KLF8: variants seen among roughly 807,000 people sequenced by gnomAD.
KLF8 encodes the protein KLF transcription factor 8.
Under a neutral mutation model 18.2 loss-of-function variants are expected in KLF8, and 10 were observed. That is an observed-to-expected ratio of 0.55 (90% CI 0.34 to 0.93). The LOEUF is 0.93. Among genes scored for constraint, KLF8 ranks in the 40% least tolerant of loss-of-function variants. The pLI is 0.02. For missense variants in KLF8, 264 were observed against 277.9 expected, an observed-to-expected ratio of 0.95 and a Z score of 0.36; for synonymous variants, 109 against 97.3, an observed-to-expected ratio of 1.12 and a Z score of -0.71.
At chrX:56,079,194 G>A in the KLF8 span, among the ~76,000 whole-genome samples, 1 of 111,159 alleles carries the variant, frequency 9.0e-6, no homozygotes, top group East Asian at 2.8e-4. Context: ...GCTTTTGAAT[G>A]TGTTTGCTCT....
chrX:55,916,106 G>A, the KLF8 span, among the ~76,000 whole-genome samples: 2 of 111,989 alleles, frequency 1.8e-5, no homozygotes, highest in African/African-American at 6.5e-5. Flanking sequence ...CCAGGCTTGA[G>A]CCAGCTACTT....
the KLF8 span, among the ~76,000 whole-genome samples, chrX:55,993,910 GT>G: frequency 0.07 from 6,264 of 89,985 alleles, 706 homozygotes; most frequent in African/African-American, 0.25. Flanking sequence ...GTTTATAGAG[GT>G]TTTTTTTTTT....
chrX:56,259,493 T>C (rs1334610437), intron 2 of KLF8, among the ~76,000 whole-genome samples: 2 of 110,710 alleles, frequency 1.8e-5, no homozygotes, highest in Non-Finnish European at 3.8e-5. Context: ...AGTGAGCTAG[T>C]ATAGCTCACC....
the KLF8 span, chrX:55,961,464 T>C: frequency 1.8e-6 from 1 of 549,119 alleles, no homozygotes; most frequent in Non-Finnish European, 3.4e-6. Flanking sequence ...AGGCCCAGAT[T>C]GCCACAAAAA....
chrX:56,252,194 A>G (rs1157501680), intron 2 of KLF8, among the ~76,000 whole-genome samples: 2 of 111,141 alleles, frequency 1.8e-5, no homozygotes, highest in Non-Finnish European at 1.9e-5. Context: ...TTGTATTTTT[A>G]GTAGAGACAG....
At chrX:56,036,104 AT>A in the KLF8 span, among the ~76,000 whole-genome samples, 1 of 111,042 alleles carries the variant, frequency 9.0e-6, no homozygotes, top group African/African-American at 3.3e-5. Flanking sequence ...AATTTATTTT[AT>A]TTTTTAATTG....
chrX:56,131,325 G>A, the KLF8 span, among the ~76,000 whole-genome samples: 1 of 111,615 alleles, frequency 9.0e-6, no homozygotes, highest in Non-Finnish European at 1.9e-5. Context: ...AGGAGTTGGG[G>A]CCCTATCTTC....
the KLF8 span, among the ~76,000 whole-genome samples, chrX:56,025,945 G>A: frequency 1.8e-5 from 2 of 112,671 alleles, no homozygotes; most frequent in African/African-American, 6.5e-5. Flanking sequence ...AAAAGAAGCA[G>A]TGGAAGCTTT....
the KLF8 span, among the ~76,000 whole-genome samples, chrX:56,135,200 G>T: frequency 0.027 from 3,044 of 110,961 alleles, 107 homozygotes; most frequent in African/African-American, 0.096. Context: ...CCCATTACTG[G>T]TTATATACCC....
At chrX:56,228,528 G>A (rs1487202228), upstream of KLF8, among the ~76,000 whole-genome samples, 1 of 112,284 alleles carries the variant, frequency 8.9e-6, no homozygotes, top group African/African-American at 3.2e-5. Context: ...AATAGGTGAG[G>A]AAATGTTTAG....
the KLF8 span, among the ~76,000 whole-genome samples, chrX:56,140,818 A>AT: frequency 6.5e-4 from 69 of 105,527 alleles, 1 homozygote; most frequent in Middle Eastern, 4.8e-3. Flanking sequence ...AAAAAAAAAA[A>AT]AGAAATGCTA....
At chrX:56,273,412 A>C (rs936254295) in intron 5 of KLF8, among the ~76,000 whole-genome samples, 1 of 109,912 alleles carries the variant, frequency 9.1e-6, no homozygotes, top group Non-Finnish European at 1.9e-5. Context: ...ATCAAATGTT[A>C]GGCCTTATTC....
intron 1 of KLF8, among the ~76,000 whole-genome samples, chrX:56,234,401 T>C (rs1204647169): frequency 1.8e-5 from 2 of 111,853 alleles, no homozygotes; most frequent in African/African-American, 6.5e-5. Flanking sequence ...GGATGAAATA[T>C]CTTGTGTATG....
chrX:55,938,586 G>A, the KLF8 span, among the ~76,000 whole-genome samples: 1 of 111,082 alleles, frequency 9.0e-6, no homozygotes, highest in South Asian at 3.9e-4. Context: ...TGGCAAATTG[G>A]ATAAAGAGTC....
intron 3 of KLF8, chrX:56,267,813 T>A (rs1399902791): frequency 1.8e-5 from 2 of 111,797 alleles, no homozygotes; most frequent in Non-Finnish European, 3.8e-5. Flanking sequence ...GAGCACTTAA[T>A]GTCCATTCTC....
At chrX:56,186,069 A>G in the KLF8 span, among the ~76,000 whole-genome samples, 3 of 112,424 alleles carry the variant, frequency 2.7e-5, no homozygotes, top group African/African-American at 9.7e-5. Flanking sequence ...CAATTAAAAG[A>G]CACAGACTGG....
At chrX:56,205,310 G>T in the KLF8 span, among the ~76,000 whole-genome samples, 468 of 111,720 alleles carry the variant, frequency 4.2e-3, 5 homozygotes, top group African/African-American at 0.015. Context: ...ATTTAATCTT[G>T]ATTTTTACAG....
intron 1 of KLF8, among the ~76,000 whole-genome samples, chrX:56,237,841 A>G (rs1441527230): frequency 9.0e-6 from 1 of 111,154 alleles, no homozygotes; most frequent in South Asian, 3.8e-4. Context: ...TTTCATGAGG[A>G]CTCTCTTTCT....
At chrX:56,052,559 T>C in the KLF8 span, among the ~76,000 whole-genome samples, 1 of 111,030 alleles carries the variant, frequency 9.0e-6, no homozygotes, top group South Asian at 3.8e-4. Flanking sequence ...TGCTGGGGGG[T>C]GCGTCCCAGT....
Sources: gnomAD v4.1 joint callset for allele counts (sites outside exome capture counted in the v4.1 genomes callset) on GRCh38, gnomAD v4.1.1 for gene constraint, MANE v1.5 for transcripts, NCBI Gene and HGNC (gene_info 2026-07-23, HGNC 2026-07-21) for gene names.